Variants in RIPOR2 observed in about 807,000 individuals in gnomAD.
The protein encoded by RIPOR2 is rho family-interacting cell polarization regulator 2.
In RIPOR2, 39 loss-of-function variants were observed where a neutral mutation model predicts 114.5. That is an observed-to-expected ratio of 0.34 (90% CI 0.26 to 0.44). The LOEUF is 0.44. Ranked by LOEUF, RIPOR2 falls within the 20% of genes least tolerant of loss-of-function variation. RIPOR2 has a pLI of 1.00. For synonymous variants in RIPOR2, 445 were observed against 484.4 expected, an observed-to-expected ratio of 0.92 and a Z score of 1.07; for missense variants, 1,007 against 1,255.1, an observed-to-expected ratio of 0.80 and a Z score of 2.99.
intron 1 of RIPOR2, among the ~76,000 whole-genome samples, chr6:25,016,790 T>C (rs1036003712): frequency 3.3e-5 from 5 of 152,248 alleles, no homozygotes; most frequent in Admixed American, 1.3e-4. Flanking sequence ...TATCTCATAA[T>C]TAGAAAAATT....
At chr6:25,011,851 C>G (rs987931340) in intron 1 of RIPOR2, among the ~76,000 whole-genome samples, 5 of 151,976 alleles carry the variant, frequency 3.3e-5, no homozygotes, top group African/African-American at 1.2e-4. Flanking sequence ...ACAGTAAAAG[C>G]GTAAGTGACA....
At chr6:24,872,466 G>A (rs1368471646) in intron 4 of RIPOR2, among the ~76,000 whole-genome samples, 3 of 152,132 alleles carry the variant, frequency 2.0e-5, no homozygotes, top group South Asian at 2.1e-4. Flanking sequence ...CGTTCCTCCC[G>A]CCTTGGCTTC....
chr6:24,870,942 C>T (rs1034699265), intron 4 of RIPOR2, 53 bp from the exon 5 acceptor site: 1 of 1,207,886 alleles, frequency 8.3e-7, no homozygotes, highest in East Asian at 2.6e-5. Context: ...CAAAAGGTTA[C>T]CCATCTTAAC....
chr6:24,901,853 G>A (rs184903080), intron 1 of RIPOR2, among the ~76,000 whole-genome samples: 272 of 152,256 alleles, frequency 1.8e-3, no homozygotes, highest in Non-Finnish European at 2.3e-3. Context: ...CATTCGTTTG[G>A]TTTCCTAATT....
chr6:24,905,067 G>A (rs1233184810), intron 1 of RIPOR2, among the ~76,000 whole-genome samples: 6 of 152,070 alleles, frequency 3.9e-5, no homozygotes, highest in Non-Finnish European at 7.4e-5. Flanking sequence ...AAGCCACCGC[G>A]CCCGGCCAGT....
At chr6:24,951,199 C>T (rs953712816) in intron 1 of RIPOR2, among the ~76,000 whole-genome samples, 1 of 152,146 alleles carries the variant, frequency 6.6e-6, no homozygotes. Flanking sequence ...GAACACTCTG[C>T]CCTACAGTGA....
intron 3 of RIPOR2, among the ~76,000 whole-genome samples, chr6:24,873,331 A>T (rs1765398799): frequency 6.6e-6 from 1 of 152,244 alleles, no homozygotes; most frequent in Admixed American, 6.5e-5. Flanking sequence ...CTGGGTTCAC[A>T]ATCCCTGTAA....
At chr6:25,032,549 G>A (rs1777043206) in intron 1 of RIPOR2, among the ~76,000 whole-genome samples, 1 of 152,104 alleles carries the variant, frequency 6.6e-6, no homozygotes, top group African/African-American at 2.4e-5. Flanking sequence ...CAAAGAGTAT[G>A]TGAGGCATAG....
chr6:24,967,117 T>C (rs1245088170), intron 1 of RIPOR2, among the ~76,000 whole-genome samples: 2 of 152,216 alleles, frequency 1.3e-5, no homozygotes, highest in Non-Finnish European at 2.9e-5. Context: ...TTAGAAGGGC[T>C]AGTGAGTCAA....
At chr6:25,005,703 ATATATATATATATATATAT>A (rs1775524382) in intron 1 of RIPOR2, among the ~76,000 whole-genome samples, 1 of 48,960 alleles carries the variant, frequency 2.0e-5, no homozygotes, top group African/African-American at 9.2e-5. Flanking sequence ...AGATATATAT[ATATATATATATATATATAT>A]ATATATATAT....
At chr6:24,945,999 A>G (rs955859629) in intron 1 of RIPOR2, among the ~76,000 whole-genome samples, 15 of 151,990 alleles carry the variant, frequency 9.9e-5, no homozygotes, top group Admixed American at 3.9e-4. Context: ...AGTCAACCTC[A>G]CTCATCTCAT....
intron 1 of RIPOR2, among the ~76,000 whole-genome samples, chr6:24,898,842 T>A (rs1768133320): frequency 6.6e-6 from 1 of 152,158 alleles, no homozygotes; most frequent in Non-Finnish European, 1.5e-5. Context: ...TACTGCTCCG[T>A]CATAACAAAA....
chr6:24,957,994 C>T (rs1417379389), intron 1 of RIPOR2, among the ~76,000 whole-genome samples: 1 of 151,828 alleles, frequency 6.6e-6, no homozygotes, highest in African/African-American at 2.4e-5. Flanking sequence ...ATGATGGTGA[C>T]AAGTAACATA....
chr6:25,033,911 C>T (rs1450849320), intron 1 of RIPOR2, among the ~76,000 whole-genome samples: 1 of 151,806 alleles, frequency 6.6e-6, no homozygotes. Context: ...GTATTGTGTT[C>T]AAATGTTACT....
chr6:24,908,889 C>G (rs114483550), intron 1 of RIPOR2, among the ~76,000 whole-genome samples: 1 of 152,154 alleles, frequency 6.6e-6, no homozygotes, highest in South Asian at 2.1e-4. Flanking sequence ...AACTCCCTAG[C>G]GCATGCTTTC....
chr6:24,896,156 G>A (rs1325995025), intron 1 of RIPOR2, among the ~76,000 whole-genome samples: 1 of 152,200 alleles, frequency 6.6e-6, no homozygotes, highest in Non-Finnish European at 1.5e-5. Flanking sequence ...TACTTCAGCA[G>A]TGCTGAGACC....
At chr6:25,016,858 A>G (rs1278358872) in intron 1 of RIPOR2, among the ~76,000 whole-genome samples, 1 of 152,244 alleles carries the variant, frequency 6.6e-6, no homozygotes, top group African/African-American at 2.4e-5. Flanking sequence ...AAACCTAGGG[A>G]GAAAGATCCT....
At position 24,825,260 on chromosome 6, in the gene RIPOR2, G is replaced by A. The variant is rs1396595638; in HGVS notation, c.2834C>T (p.Ala945Val). ...GAAATGCTGATTTTTGGAGGCTGCTGCCAAGTAAAGCGTCACAGCCTCACT... is the reference window on the plus strand; with the variant it reads ...GAAATGCTGATTTTTGGAGGCTGCTACCAAGTAAAGCGTCACAGCCTCACT... ...EVSEAVTLYL[A>V]AASKNQHFRE... The change falls in exon 19 of 22, where the codon GCA (alanine) becomes GTA (valine). Residue 945 changes from alanine (A) to valine (V), a missense_variant. Coordinates refer to ENST00000643898, the MANE Select transcript of RIPOR2 (RefSeq NM_001286445.3). The A allele has an allele frequency of 2.6e-6, 4 of 1,551,136 alleles. No homozygotes were observed. Among genetic ancestry groups the A allele is most frequent in the Admixed American group, 3.9e-5 (2 of 50,990 alleles).
intron 4 of RIPOR2, among the ~76,000 whole-genome samples, chr6:24,871,645 G>T (rs551954989): frequency 3.3e-5 from 5 of 152,192 alleles, no homozygotes; most frequent in Non-Finnish European, 7.4e-5. Flanking sequence ...GAGCCACCAC[G>T]CCCGGCCTTA....
Sources: gnomAD v4.1 joint callset for allele counts (sites outside exome capture counted in the v4.1 genomes callset) on GRCh38, gnomAD v4.1.1 for gene constraint, MANE v1.5 for transcripts, NCBI Gene and HGNC (gene_info 2026-07-23, HGNC 2026-07-21) for gene names.